Variants in LIMCH1 observed in about 807,000 individuals in gnomAD.
LIMCH1 encodes the protein LIM and calponin homology domains-containing protein 1.
In LIMCH1, 113 loss-of-function variants were observed where a neutral mutation model predicts 176.5. The ratio of observed to expected loss-of-function variants is 0.64; its 90% CI spans 0.55 to 0.75. LIMCH1 has a LOEUF of 0.75. Among genes scored for constraint, LIMCH1 ranks in the 30% least tolerant of loss-of-function variants. The pLI is 0.00. For synonymous variants in LIMCH1, 619 were observed against 645.9 expected (o/e 0.96, Z 0.63); for missense variants, 1,674 against 1,814.9 (o/e 0.92, Z 1.41).
intron 1 of LIMCH1, among the ~76,000 whole-genome samples, chr4:41,569,484 G>A (rs915372092): frequency 2.6e-5 from 4 of 152,170 alleles, no homozygotes; most frequent in African/African-American, 9.7e-5. Context: ...AAAATGCCCA[G>A]GGGTTATGCT....
Position 41,553,461 on chromosome 4 carries a change from G to A in LIMCH1, c.-241+15111G>A, listed in dbSNP as rs546032327. On this transcript the variant is annotated intron_variant, in intron 1 of 31. Coordinates refer to ENST00000503057, the MANE Select transcript of LIMCH1 (RefSeq NM_001330672.2). Reference sequence around the variant, plus strand: ...GCAGAAAGAAAAAGGTGGTATGTATGTTCCCAGCAGATAGAACAGCATGAG... The same window carrying A: ...GCAGAAAGAAAAAGGTGGTATGTATATTCCCAGCAGATAGAACAGCATGAG... Among the ~76,000 whole-genome samples, 3 of 152,264 alleles carry A rather than the reference G, an allele frequency of 2.0e-5. No individual in the cohort carries two copies. The South Asian group carries it at 6.2e-4, about 32-fold the overall frequency.
At chr4:41,530,063 G>A (rs1412151112) in intron 3 of LIMCH1, among the ~76,000 whole-genome samples, 2 of 152,220 alleles carry the variant, frequency 1.3e-5, no homozygotes, top group Non-Finnish European at 2.9e-5. Flanking sequence ...ACTTTAGGAA[G>A]CTTTCAAAAG....
rs914811359 is a variant in LIMCH1, at chr4:41,441,510, T to C, written c.97-53026T>C. On this transcript the variant is annotated intron_variant, in intron 1 of 26. Transcript: ENST00000313860. The stretch of plus-strand genomic sequence containing the variant: ...GTTTTAATATGAGGAAAAATGAAGG[T>C]GGGAGTGGAATTTGCATTAAATATT... Among the ~76,000 whole-genome samples the C allele has an allele frequency of 2.0e-5, 3 of 152,006 alleles. No individual in the cohort carries two copies. In the East Asian group the frequency reaches 5.8e-4, roughly 30 times the overall value.
chr4:41,616,062 A>G (rs973551445), intron 5 of LIMCH1, among the ~76,000 whole-genome samples: 1 of 152,164 alleles, frequency 6.6e-6, no homozygotes, highest in Non-Finnish European at 1.5e-5. Context: ...GCTTCATTGA[A>G]GAGGAAATAA....
chr4:41,638,187 G>T (rs1265615269), intron 13 of LIMCH1, among the ~76,000 whole-genome samples: 1 of 151,880 alleles, frequency 6.6e-6, no homozygotes, highest in Non-Finnish European at 1.5e-5. Flanking sequence ...TTCTAATTTA[G>T]TCTTTTTGCT....
intron 8 of LIMCH1, among the ~76,000 whole-genome samples, chr4:41,629,188 C>T (rs1397600153): frequency 1.3e-5 from 2 of 152,148 alleles, no homozygotes; most frequent in Non-Finnish European, 1.5e-5. Context: ...CATTACCATC[C>T]AACCAAAATC....
intron 1 of LIMCH1, among the ~76,000 whole-genome samples, chr4:41,490,241 C>T (rs2070517147): frequency 6.7e-6 from 1 of 149,940 alleles, no homozygotes; most frequent in Admixed American, 6.6e-5. Flanking sequence ...CAGCTGTAGG[C>T]TCTGCTGCTA....
At chr4:41,529,582 C>T (rs1328605154) in intron 3 of LIMCH1, among the ~76,000 whole-genome samples, 2 of 152,086 alleles carry the variant, frequency 1.3e-5, no homozygotes, top group African/African-American at 2.4e-5. Flanking sequence ...ATTATTTGCC[C>T]CACATTAGAC....
chr4:41,518,695 A>G (rs940031849), intron 2 of LIMCH1, among the ~76,000 whole-genome samples: 2 of 152,118 alleles, frequency 1.3e-5, no homozygotes, highest in African/African-American at 4.8e-5. Context: ...TTTAAGCCCC[A>G]CATGCATTAG....
At chr4:41,360,233 T>G (rs1580971933), upstream of LIMCH1, among the ~76,000 whole-genome samples, 1 of 152,136 alleles carries the variant, frequency 6.6e-6, no homozygotes, top group Non-Finnish European at 1.5e-5. The surrounding 1 kb of genome is among the most constrained non-coding windows in gnomAD (Gnocchi z 4.5). Flanking sequence ...GCTGTGTACT[T>G]CCCGGCGCCG....
intron 1 of LIMCH1, among the ~76,000 whole-genome samples, chr4:41,475,576 G>T (rs2154162969): frequency 6.6e-6 from 1 of 152,254 alleles, no homozygotes; most frequent in Admixed American, 6.5e-5. Flanking sequence ...CATGAGAACT[G>T]GTTGTTAAAC....
chr4:41,641,075 G>A (rs2093802590), intron 14 of LIMCH1, among the ~76,000 whole-genome samples: 1 of 152,168 alleles, frequency 6.6e-6, no homozygotes, highest in Non-Finnish European at 1.5e-5. Context: ...CCAGGCCCTT[G>A]GGGTAATTCC....
chr4:41,468,366 T>TCCCC (rs2066466514), intron 1 of LIMCH1, among the ~76,000 whole-genome samples: 2 of 44,020 alleles, frequency 4.5e-5, no homozygotes, highest in African/African-American at 1.8e-4. Context: ...CCTCCCTCCC[T>TCCCC]CCCCCTCCTC....
At chr4:41,511,039 G>C (rs1326437631) in intron 2 of LIMCH1, among the ~76,000 whole-genome samples, 1 of 152,214 alleles carries the variant, frequency 6.6e-6, no homozygotes, top group Non-Finnish European at 1.5e-5. Context: ...TGTAGACTCT[G>C]CTGGGAGGCT....
chr4:41,397,687 T>C (rs2057953602), intron 1 of LIMCH1, among the ~76,000 whole-genome samples: 1 of 152,186 alleles, frequency 6.6e-6, no homozygotes, highest in Admixed American at 6.5e-5. Flanking sequence ...TTAGACTGTG[T>C]TGTTCAAATA....
At chr4:41,633,831 T>G (rs1319775269) in intron 13 of LIMCH1, 23 bp downstream of exon 13, 4 of 1,530,410 alleles carry the variant, frequency 2.6e-6, no homozygotes, top group Non-Finnish European at 3.5e-6. Flanking sequence ...TTCTGTGCCC[T>G]TGTGACTTTG....
chr4:41,611,689 T>C (rs2091434575), intron 4 of LIMCH1, among the ~76,000 whole-genome samples: 1 of 152,194 alleles, frequency 6.6e-6, no homozygotes, highest in Non-Finnish European at 1.5e-5. Flanking sequence ...TTAGGATGAG[T>C]GGTTGTGAGG....
intron 1 of LIMCH1, among the ~76,000 whole-genome samples, chr4:41,556,175 AC>A (rs1359502289): frequency 6.6e-5 from 10 of 152,098 alleles, no homozygotes; most frequent in African/African-American, 2.2e-4. Flanking sequence ...CGGGTGGATC[AC>A]CTGAGGTCAG....
In LIMCH1 at chr4:41,564,069, C is replaced by T. The variant is rs146166000; in HGVS notation, c.-241+25719C>T. On this transcript the variant is annotated intron_variant, in intron 1 of 31. Transcript: ENST00000503057. ...TAGGCTCATCAGCCAGCAGATAATA[C>T]AATACCTAATATTTACTTAGTGCTC... 2.0e-3 allele frequency among the ~76,000 whole-genome samples: 304 copies of T among 152,278 alleles called. 1 individual carries two copies. Among genetic ancestry groups the T allele is most frequent in the African/African-American group, 7.1e-3 (297 of 41,574 alleles).
Sources: gnomAD v4.1 joint callset for allele counts (sites outside exome capture counted in the v4.1 genomes callset) on GRCh38, gnomAD v4.1.1 for gene constraint, Gnocchi (gnomAD v3.1) non-coding constraint, MANE v1.5 for transcripts, NCBI Gene and HGNC (gene_info 2026-07-23, HGNC 2026-07-21) for gene names.